Variants in NPY5R observed in about 807,000 individuals in gnomAD.
NPY5R encodes neuropeptide Y receptor type 5.
A neutral mutation model predicts 24.8 loss-of-function variants in NPY5R; 21 were observed. That is an observed-to-expected ratio of 0.85 (90% confidence interval 0.60 to 1.22). The LOEUF is 1.22. Among genes scored for constraint, NPY5R ranks in the 50% most tolerant of loss-of-function variants. NPY5R has a pLI of 0.00. For synonymous variants in NPY5R, 175 were observed against 183.0 expected (o/e 0.96, Z 0.35); for missense variants, 481 against 521.3 (o/e 0.92, Z 0.75).
intron 2 of NPY5R, among the ~76,000 whole-genome samples, chr4:163,346,761 T>G (rs1002576172): frequency 3.3e-5 from 5 of 152,198 alleles, no homozygotes; most frequent in African/African-American, 1.2e-4. Context: ...AATAACAGAC[T>G]GCACAGTCGT....
At chr4:163,345,196 A>C (rs1000438912) in intron 1 of NPY5R, 1 of 152,230 alleles carries the variant, frequency 6.6e-6, no homozygotes, top group Non-Finnish European at 1.5e-5. Context: ...TACAAGTCAG[A>C]CTTTTAATAT....
At chr4:163,347,649 G>T (rs1475151652) in intron 3 of NPY5R, 127 bp downstream of exon 3, 4 of 152,162 alleles carry the variant, frequency 2.6e-5, no homozygotes, top group Non-Finnish European at 5.9e-5. Context: ...AGGAAATTAG[G>T]CAAAAGCACC....
Position 163,350,411 on chromosome 4 carries a change from G to C in NPY5R, c.138G>C (p.Gly46=). Residue 46 remains glycine (G), a synonymous_variant, in exon 4 of 4, where the codon GGG becomes GGC. Coordinates refer to ENST00000338566, the MANE Select transcript of NPY5R (RefSeq NM_006174.4). ...SVDDLQYFLI[G]LYTFVSLLGF... is the part of the protein sequence containing the mutation. ...ATGACTTACAGTATTTTCTGATTGG[G>C]CTCTATACATTTGTAAGTCTTCTTG... The C allele has an allele frequency of 6.2e-7, 1 of 1,613,012 alleles. No individual in the cohort carries two copies. The highest frequency in any genetic ancestry group is 8.5e-7 in the Non-Finnish European group (1 of 1,179,408).
chr4:163,351,250 C>T lies in NPY5R; in HGVS notation c.977C>T (p.Ser326Phe). 1 of 1,614,110 alleles carries T rather than the reference C, an allele frequency of 6.2e-7. No individual in the cohort carries two copies. The highest frequency in any genetic ancestry group is 1.1e-5 in the South Asian group (1 of 91,078). The change falls in exon 4 of 4, where the codon TCC becomes TTC. Residue 326 changes from serine (S) to phenylalanine (F), a missense_variant. Physicochemically the swap from Ser to Phe is radical, Grantham distance 155 (BLOSUM62 -2). Coordinates refer to ENST00000338566, the MANE Select transcript of NPY5R (RefSeq NM_006174.4). ...FGSVRSQLSS[S>F]SKFIPGVPTC... ...TCTGTAAGAAGTCAGCTCTCTTCAT[C>T]CAGTAAGTTCATACCAGGGGTCCCC...
Position 163,351,429 on chromosome 4 carries a change from CT to C in NPY5R, c.1160del (p.Phe387SerfsTer4). The C allele has an allele frequency of 6.2e-7, 1 of 1,613,236 alleles. No homozygotes were observed. Reference sequence around the variant, plus strand: ...TGCTGTTAGTTGGATGCCACTACACCTTTTCCATGTGGTAACTGATTTTAAT... The same window carrying C: ...TGCTGTTAGTTGGATGCCACTACACCTTTCCATGTGGTAACTGATTTTAAT... Reference protein sequence around the residue: ...VFAVSWMPLHLFHVVTDFNDN... With the variant: ...VFAVSWMPLHXFHVVTDFNDN... On this transcript the variant is annotated frameshift_variant, in exon 4 of 4. Transcript: ENST00000338566. LOFTEE classifies it high-confidence loss of function.
intron 1 of NPY5R, chr4:163,345,479 G>C (rs912004066): frequency 2.3e-4 from 35 of 152,246 alleles, no homozygotes; most frequent in African/African-American, 7.5e-4. Flanking sequence ...TAATACAAAA[G>C]AGAATGAGTA....
chr4:163,349,843 A>G (rs1235507709), intron 3 of NPY5R, among the ~76,000 whole-genome samples: 1 of 152,148 alleles, frequency 6.6e-6, no homozygotes, highest in Admixed American at 6.5e-5. Context: ...TGGGCTGGGC[A>G]CGGTGGCTCA....
chr4:163,350,518 A>G lies in NPY5R; in HGVS notation c.245A>G (p.Asn82Ser), dbSNP rs574392131. 6.8e-6 allele frequency: 11 copies of G among 1,614,174 alleles called. No individual in the cohort carries two copies. The African/African-American group carries it at 1.3e-4, about 20-fold the overall frequency. The change falls in exon 4 of 4, where the codon AAT (asparagine) becomes AGT (serine). Residue 82 changes from asparagine (N) to serine (S), a missense_variant. Coordinates refer to ENST00000338566, the MANE Select transcript of NPY5R (RefSeq NM_006174.4). ...ACTACGGTAAACTTCCTCATAGGCA[A>G]TCTGGCCTTTTCTGATATCTTGGTT... ...QKTTVNFLIG[N>S]LAFSDILVVL...
rs769105318 is a variant in NPY5R at position 163,350,903 on chromosome 4, C to T, written c.630C>T (p.Ala210=). 2 of 1,614,102 alleles carry T rather than the reference C, an allele frequency of 1.2e-6. No individual in the cohort carries two copies. Among genetic ancestry groups the T allele is most frequent in the East Asian group, 2.2e-5 (1 of 44,876 alleles). Residue 210 remains alanine, a synonymous_variant, in exon 4 of 4, where the codon GCC becomes GCT. Transcript: ENST00000338566. ...ESWPSDSYRI[A]FTISLLLVQY... ...GGCCATCTGATTCATACAGAATTGC[C>T]TTTACTATCTCTTTATTGCTAGTTC...
intron 2 of NPY5R, among the ~76,000 whole-genome samples, chr4:163,347,187 T>C (rs1253245460): frequency 6.6e-6 from 1 of 152,210 alleles, no homozygotes; most frequent in African/African-American, 2.4e-5. Context: ...TTAAACATCA[T>C]TTCTAGAATG....
At chr4:163,345,566 A>G (rs1735197459) in intron 1 of NPY5R, 148 bp from the exon 2 acceptor site, 1 of 152,194 alleles carries the variant, frequency 6.6e-6, no homozygotes, top group African/African-American at 2.4e-5. Flanking sequence ...CCATGTTAAA[A>G]TATTTTTTCT....
chr4:163,348,550 T>C (rs892680808), intron 3 of NPY5R, among the ~76,000 whole-genome samples: 1 of 151,186 alleles, frequency 6.6e-6, no homozygotes, highest in African/African-American at 2.4e-5. Flanking sequence ...GAGGCTGAGA[T>C]GAGAGGATTG....
intron 2 of NPY5R, among the ~76,000 whole-genome samples, chr4:163,346,545 G>C (rs2110852772): frequency 6.6e-6 from 1 of 152,224 alleles, no homozygotes; most frequent in African/African-American, 2.4e-5. Context: ...AATAGAAGGA[G>C]CCTACCCTTT....
intron 3 of NPY5R, among the ~76,000 whole-genome samples, chr4:163,349,713 C>A (rs1735396085): frequency 6.6e-6 from 1 of 152,158 alleles, no homozygotes; most frequent in Non-Finnish European, 1.5e-5. Context: ...AAAATGCAAT[C>A]TACTACCTTA....
chr4:163,347,226 G>A (rs1465919357), intron 2 of NPY5R, among the ~76,000 whole-genome samples: 3 of 152,044 alleles, frequency 2.0e-5, no homozygotes, highest in Admixed American at 6.6e-5. Flanking sequence ...ATCTCCATTC[G>A]AATATAATAG....
In NPY5R at chr4:163,350,444, G is replaced by A. The variant is rs1410025043; in HGVS notation, c.171G>A (p.Met57Ile). The A allele has an allele frequency of 3.1e-6, 5 of 1,613,772 alleles. No homozygotes were observed. Among genetic ancestry groups the A allele is most frequent in the Non-Finnish European group, 3.4e-6 (4 of 1,179,744 alleles). Reference sequence around the variant, plus strand: ...CATTTGTAAGTCTTCTTGGCTTTATGGGGAATCTACTTATTTTAATGGCTC... The same window carrying A: ...CATTTGTAAGTCTTCTTGGCTTTATAGGGAATCTACTTATTTTAATGGCTC... ...LYTFVSLLGF[M>I]GNLLILMALM... Residue 57 changes from methionine (M) to isoleucine (I), a missense_variant, in exon 4 of 4, where the codon ATG becomes ATA. Coordinates refer to ENST00000338566, the MANE Select transcript of NPY5R (RefSeq NM_006174.4).
intron 3 of NPY5R, among the ~76,000 whole-genome samples, 198 bp downstream of exon 3, chr4:163,347,720 T>C (rs72983719): frequency 0.04 from 6,059 of 152,306 alleles, 362 homozygotes; most frequent in African/African-American, 0.13. Context: ...TGAGAGGCCA[T>C]TGACTGGGAA....
At chr4:163,350,202 T>G (rs1017040292) in intron 3 of NPY5R, 63 bp from the exon 4 acceptor site, 1 of 1,214,438 alleles carries the variant, frequency 8.2e-7, no homozygotes, top group African/African-American at 1.5e-5. Context: ...CTGAATAGAT[T>G]AATTTAAAGT....
chr4:163,347,623 G>A (rs1735306232), intron 3 of NPY5R, 101 bp downstream of exon 3: 1 of 152,150 alleles, frequency 6.6e-6, no homozygotes, highest in Non-Finnish European at 1.5e-5. Flanking sequence ...ATTGAGCCAG[G>A]GGATCATCAG....
Sources: gnomAD v4.1 joint callset for allele counts (sites outside exome capture counted in the v4.1 genomes callset) on GRCh38, gnomAD v4.1.1 for gene constraint, MANE v1.5 for transcripts, NCBI Gene and HGNC (gene_info 2026-07-23, HGNC 2026-07-21) for gene names.